CNTNAP2: variants seen among roughly 807,000 people sequenced by gnomAD.
CNTNAP2 encodes the protein contactin associated protein 2, also known as contactin-associated protein-like 2.
A neutral mutation model predicts 155.2 loss-of-function variants in CNTNAP2; 98 were observed. The ratio of observed to expected loss-of-function variants is 0.63; its 90% CI spans 0.54 to 0.75. The LOEUF (loss-of-function observed/expected upper bound fraction) is 0.75, where lower values mean the gene tolerates loss of function less well. Ranked by LOEUF, CNTNAP2 falls within the 30% of genes least tolerant of loss-of-function variation. CNTNAP2 has a pLI of 0.00. For synonymous variants in CNTNAP2, 651 were observed against 631.2 expected (o/e 1.03, Z -0.47); for missense variants, 1,727 against 1,688.1 (o/e 1.02, Z -0.40).
intron 13 of CNTNAP2, among the ~76,000 whole-genome samples, chr7:147,724,649 A>G (rs1215579255): frequency 2.0e-5 from 3 of 152,082 alleles, no homozygotes; most frequent in African/African-American, 7.2e-5. Flanking sequence ...CATAATACAT[A>G]TGATAATCTG....
chr7:147,388,139 A>T (rs994588212), intron 9 of CNTNAP2, among the ~76,000 whole-genome samples: 1 of 151,490 alleles, frequency 6.6e-6, no homozygotes, highest in African/African-American at 2.4e-5. Flanking sequence ...GATATTCAAA[A>T]TCTCTTTTTG....
intron 3 of CNTNAP2, among the ~76,000 whole-genome samples, chr7:146,912,392 CTAA>C (rs1166945500): frequency 6.6e-6 from 1 of 151,554 alleles, no homozygotes; most frequent in African/African-American, 2.4e-5. Context: ...TTACATATAT[CTAA>C]TAATTGGAAA....
intron 9 of CNTNAP2, among the ~76,000 whole-genome samples, chr7:147,327,520 T>G (rs1415466553): frequency 3.9e-5 from 6 of 152,190 alleles, no homozygotes; most frequent in Non-Finnish European, 8.8e-5. Context: ...TAAAATTTAA[T>G]GAAATCAAAT....
At chr7:147,343,131 G>C (rs1795792684) in intron 9 of CNTNAP2, among the ~76,000 whole-genome samples, 3 of 152,036 alleles carry the variant, frequency 2.0e-5, no homozygotes, top group African/African-American at 7.2e-5. Flanking sequence ...CCAGCTAGAA[G>C]CCTATATATT....
At chr7:147,489,070 T>G (rs1046733525) in intron 11 of CNTNAP2, among the ~76,000 whole-genome samples, 1 of 152,270 alleles carries the variant, frequency 6.6e-6, no homozygotes, top group African/African-American at 2.4e-5. Context: ...ATACATTGTT[T>G]GCTATCACTT....
At chr7:146,329,460 GA>G (rs1311634821) in intron 1 of CNTNAP2, among the ~76,000 whole-genome samples, 2 of 152,120 alleles carry the variant, frequency 1.3e-5, no homozygotes, top group Non-Finnish European at 2.9e-5. Context: ...CTTCAAGCGT[GA>G]GTGTTCATCT....
rs558769851 is a variant in CNTNAP2 at position 147,194,517 on chromosome 7, T to C, written c.1348+62008T>C. Among the ~76,000 whole-genome samples, 19 of 152,296 alleles carry C rather than the reference T, an allele frequency of 1.2e-4. No homozygotes were observed. The East Asian group carries it at 3.1e-3, about 25-fold the overall frequency. On this transcript the variant is annotated intron_variant, in intron 8 of 23. Coordinates refer to ENST00000361727, the MANE Select transcript of CNTNAP2 (RefSeq NM_014141.6). ...TTGAGGACTACTGTCTTCCAAATGG[T>C]TGAACTAATTTACACTCCCACCAAC...
chr7:147,674,500 T>C (rs754052725), intron 13 of CNTNAP2, among the ~76,000 whole-genome samples: 32 of 152,166 alleles, frequency 2.1e-4, no homozygotes, highest in Admixed American at 1.3e-4. Flanking sequence ...TCTCATTCTA[T>C]TGTAAAAAAT....
At chr7:148,279,155 C>T (rs1796929462) in intron 21 of CNTNAP2, among the ~76,000 whole-genome samples, 1 of 152,182 alleles carries the variant, frequency 6.6e-6, no homozygotes, top group African/African-American at 2.4e-5. Context: ...ACATAAGTAA[C>T]ACAATCCAAT....
intron 1 of CNTNAP2, among the ~76,000 whole-genome samples, chr7:146,677,785 T>C (rs1295091651): frequency 6.6e-6 from 1 of 152,102 alleles, no homozygotes; most frequent in African/African-American, 2.4e-5. Context: ...TACGTTGTTC[T>C]CTATATCAGA....
At chr7:148,180,280 G>A (rs1410247479) in intron 18 of CNTNAP2, among the ~76,000 whole-genome samples, 1 of 152,120 alleles carries the variant, frequency 6.6e-6, no homozygotes, top group African/African-American at 2.4e-5. Context: ...TTGGAAGAAG[G>A]CCCAAAGGAA....
At chr7:148,086,783 A>T (rs1404091908) in intron 15 of CNTNAP2, among the ~76,000 whole-genome samples, 4 of 152,206 alleles carry the variant, frequency 2.6e-5, no homozygotes, top group African/African-American at 9.7e-5. Context: ...ATTCTTGGTG[A>T]GGACACAGAT....
intron 1 of CNTNAP2, among the ~76,000 whole-genome samples, chr7:146,240,010 T>C (rs1019402453): frequency 6.6e-6 from 1 of 152,238 alleles, no homozygotes; most frequent in African/African-American, 2.4e-5. Flanking sequence ...AGGGGCAATG[T>C]AAAAATTAAC....
intron 1 of CNTNAP2, among the ~76,000 whole-genome samples, chr7:146,223,633 G>T (rs943740177): frequency 6.6e-6 from 1 of 152,170 alleles, no homozygotes; most frequent in East Asian, 1.9e-4. Context: ...GACAAACATG[G>T]AGTTACTATC....
intron 15 of CNTNAP2, among the ~76,000 whole-genome samples, chr7:148,117,574 G>A (rs759091484): frequency 7.2e-5 from 11 of 152,160 alleles, no homozygotes; most frequent in Non-Finnish European, 1.5e-4. Flanking sequence ...CAAAAACTTT[G>A]TTCTTACTTT....
intron 3 of CNTNAP2, among the ~76,000 whole-genome samples, chr7:146,907,295 G>A (rs1796155118): frequency 1.4e-5 from 2 of 144,548 alleles, no homozygotes; most frequent in African/African-American, 2.6e-5. Flanking sequence ...AGGAAATACA[G>A]AGAACGCCAC....
chr7:146,678,634 T>G (rs922568591), intron 1 of CNTNAP2, among the ~76,000 whole-genome samples: 1 of 152,188 alleles, frequency 6.6e-6, no homozygotes, highest in African/African-American at 2.4e-5. Flanking sequence ...TTAATGCTTA[T>G]GGACTTTTCA....
chr7:147,544,735 G>A lies in CNTNAP2; in HGVS notation c.1778-17403G>A, dbSNP rs950384770. 7.2e-5 allele frequency among the ~76,000 whole-genome samples: 11 copies of A among 152,026 alleles called. No individual in the cohort carries two copies. The South Asian group carries it at 1.9e-3, about 26-fold the overall frequency. ...GTGTTGTGGGAGGGACCTGGTGGGA[G>A]ACAATTGAATCATGGGGGCAGTTCC... On this transcript the variant is annotated intron_variant, in intron 11 of 23. Transcript: ENST00000361727.
At chr7:147,830,666 C>T (rs1798532576) in intron 13 of CNTNAP2, among the ~76,000 whole-genome samples, 1 of 152,076 alleles carries the variant, frequency 6.6e-6, no homozygotes, top group Admixed American at 6.6e-5. Context: ...ATGGAAAGAC[C>T]ATATAATGGG....
Sources: gnomAD v4.1 joint callset for allele counts (sites outside exome capture counted in the v4.1 genomes callset) on GRCh38, gnomAD v4.1.1 for gene constraint, MANE v1.5 for transcripts, NCBI Gene and HGNC (gene_info 2026-07-23, HGNC 2026-07-21) for gene names.